Variants in SMARCA2 observed in about 807,000 individuals in gnomAD.
The protein encoded by SMARCA2 is SWI/SNF related BAF chromatin remodeling complex subunit ATPase 2.
SMARCA2 carries 61 observed loss-of-function variants against 199.8 expected under a neutral mutation model. That is an observed-to-expected ratio of 0.31 (90% CI 0.25 to 0.38). The LOEUF is 0.38. Ranked by LOEUF, SMARCA2 falls within the 10% of genes least tolerant of loss-of-function variation. The probability of loss-of-function intolerance (pLI) is 1.00; values close to 1 mark genes in which losing one functional copy is unlikely to be tolerated. For synonymous variants in SMARCA2, 935 were observed against 732.0 expected (o/e 1.28, Z -4.48); for missense variants, 1,344 against 2,012.2 (o/e 0.67, Z 6.35).
chr9:2,116,181 TA>T, intron 25 of SMARCA2, 132 bp downstream of exon 25: 1 of 688,214 alleles, frequency 1.5e-6, no homozygotes, highest in South Asian at 1.8e-5. Flanking sequence ...ACTGCTGTTT[TA>T]GATCCCAACC....
chr9:2,061,216 T>C (rs1820577532), intron 9 of SMARCA2, among the ~76,000 whole-genome samples: 1 of 152,196 alleles, frequency 6.6e-6, no homozygotes. Flanking sequence ...ACAATGTTGT[T>C]CATAAATCAT....
chr9:2,190,021 C>A (rs765691247), intron 32 of SMARCA2, among the ~76,000 whole-genome samples: 38 of 152,096 alleles, frequency 2.5e-4, no homozygotes, highest in African/African-American at 8.9e-4. Flanking sequence ...AATGAGAGAC[C>A]CACATTTTCA....
chr9:2,159,993 C>T (rs1268781657), intron 27 of SMARCA2: 15 of 1,530,204 alleles, frequency 9.8e-6, no homozygotes, highest in Middle Eastern at 1.7e-4. Flanking sequence ...CATCAAAAGC[C>T]GGTGTTCTCC....
intron 28 of SMARCA2, among the ~76,000 whole-genome samples, chr9:2,164,142 G>A (rs575142262): frequency 3.3e-5 from 5 of 152,086 alleles, no homozygotes; most frequent in East Asian, 1.9e-4. Flanking sequence ...GCCATTTACC[G>A]TCATGCTTTT....
rs772031527 is a variant in SMARCA2, at chr9:2,039,799, A to AGCC, written c.691_692insCGC (p.Gln230_Gln231insPro). The AGCC allele has an allele frequency of 2.5e-6, 4 of 1,604,686 alleles. No individual in the cohort carries two copies. In the African/African-American group the frequency reaches 4.0e-5, roughly 16 times the overall value. ...CAACAGCAGCAGCAGCAGCAGCAGC[A>AGCC]GCAGCAGCAGCAGCAGCAACAGCAG... is the stretch of plus-strand genomic sequence containing the variant. On this transcript the variant is annotated inframe_insertion, in exon 4 of 34. Transcript: ENST00000349721. This position sits in a 1 kb window ranked among gnomAD's most constrained non-coding sequence, Gnocchi z 4.8.
intron 1 of SMARCA2, among the ~76,000 whole-genome samples, chr9:2,022,937 A>G (rs571636085): frequency 6.6e-6 from 1 of 152,280 alleles, no homozygotes; most frequent in African/African-American, 2.4e-5. Context: ...ATCTGTGATT[A>G]CCTTTATAAC....
chr9:2,079,682 C>T (rs556032611), intron 14 of SMARCA2, among the ~76,000 whole-genome samples: 17 of 152,286 alleles, frequency 1.1e-4, no homozygotes, highest in African/African-American at 3.4e-4. Flanking sequence ...CATGTTTTCT[C>T]CAAAGACCAT....
chr9:2,155,383 A>C (rs1453989884), intron 27 of SMARCA2, among the ~76,000 whole-genome samples: 1 of 152,046 alleles, frequency 6.6e-6, no homozygotes, highest in Non-Finnish European at 1.5e-5. Context: ...CCCGGGTTCA[A>C]GCGATTCTCC....
chr9:2,139,071 G>T (rs1427476269), intron 27 of SMARCA2, among the ~76,000 whole-genome samples: 1 of 152,232 alleles, frequency 6.6e-6, no homozygotes, highest in East Asian at 1.9e-4. Context: ...TGTGCTGACA[G>T]GATGTGATGG....
rs116341506 is a variant in SMARCA2 at position 2,170,888 on chromosome 9, G to A, written c.4253+416G>A. On this transcript the variant is annotated intron_variant, in intron 29 of 33. Transcript: ENST00000349721. The surrounding 1 kb of genome is among the most constrained non-coding windows in gnomAD (Gnocchi z 4.7). ...CACCTGTAGTGACTTGATCTCCTGC[G>A]AGACATGAAGAAGCGTGCATGTTCA... 7.7e-4 allele frequency among the ~76,000 whole-genome samples: 117 copies of A among 152,280 alleles called. No individual in the cohort carries two copies. Among genetic ancestry groups the A allele is most frequent in the African/African-American group, 2.6e-3 (107 of 41,560 alleles).
intron 1 of SMARCA2, among the ~76,000 whole-genome samples, chr9:2,019,726 T>G (rs1176146616): frequency 5.9e-5 from 9 of 152,160 alleles, no homozygotes; most frequent in Non-Finnish European, 1.3e-4. Context: ...GTTGTAATAT[T>G]TTGACATTTA....
chr9:2,030,867 A>G (rs943969738), intron 2 of SMARCA2, among the ~76,000 whole-genome samples: 1 of 152,230 alleles, frequency 6.6e-6, no homozygotes, highest in Non-Finnish European at 1.5e-5. Context: ...AGGGCATCAG[A>G]GCCCAAAAGG....
rs1315887538 is a variant in SMARCA2, at chr9:2,110,117, C to G, written c.3293-137C>G. On this transcript the variant is annotated intron_variant, in intron 23 of 33. Transcript: ENST00000349721. This position sits in a 1 kb window ranked among gnomAD's most constrained non-coding sequence, Gnocchi z 4.8. Reference sequence around the variant, plus strand: ...GTTCAAAGTTTTTTATCCAGAAGTACAAAGCCCTGGAAATTACCTCACCAG... The same window carrying G: ...GTTCAAAGTTTTTTATCCAGAAGTAGAAAGCCCTGGAAATTACCTCACCAG... The G allele has an allele frequency of 5.7e-6, 3 of 525,556 alleles. No homozygotes were observed. The highest frequency in any genetic ancestry group is 5.4e-5 in the South Asian group (1 of 18,498). The allele number at this position is 525,556 out of a possible 1,614,324, so 32.6% of individuals were successfully genotyped here.
chr9:2,143,789 G>T (rs1251284458), intron 27 of SMARCA2, among the ~76,000 whole-genome samples: 1 of 152,178 alleles, frequency 6.6e-6, no homozygotes, highest in Non-Finnish European at 1.5e-5. Flanking sequence ...GTGATGTTTG[G>T]TAGGACAGTG....
At chr9:2,132,078 G>T (rs1823986665) in intron 27 of SMARCA2, among the ~76,000 whole-genome samples, 2 of 152,144 alleles carry the variant, frequency 1.3e-5, no homozygotes, top group Admixed American at 6.5e-5. Flanking sequence ...CTCTGAGTTG[G>T]CCTCTCATCA....
At chr9:2,180,832 C>T (rs182233659) in intron 29 of SMARCA2, among the ~76,000 whole-genome samples, 1 of 152,188 alleles carries the variant, frequency 6.6e-6, no homozygotes, top group Non-Finnish European at 1.5e-5. Flanking sequence ...TTCAAATAAA[C>T]TTACCATGAA....
intron 28 of SMARCA2, among the ~76,000 whole-genome samples, chr9:2,168,149 T>C (rs998608395): frequency 3.3e-5 from 5 of 151,820 alleles, no homozygotes; most frequent in Non-Finnish European, 7.4e-5. Flanking sequence ...GTTGCTGGGA[T>C]TATGGGCGTG....
chr9:2,095,331 G>A lies in SMARCA2; in HGVS notation c.2884-1326G>A, dbSNP rs543315398. On this transcript the variant is annotated intron_variant, in intron 19 of 33. Coordinates refer to ENST00000349721, the MANE Select transcript of SMARCA2 (RefSeq NM_003070.5). ...GAACTCCTGACCTCGTGATTCGCCC[G>A]CCTCGGCCTCCCAAAGTGCTGGGAC... is the stretch of plus-strand genomic sequence containing the variant. Among the ~76,000 whole-genome samples the A allele has an allele frequency of 1.8e-4, 27 of 152,012 alleles. No homozygotes were observed. The South Asian group carries it at 3.7e-3, about 21-fold the overall frequency.
chr9:2,148,836 A>T (rs1185322960), intron 27 of SMARCA2, among the ~76,000 whole-genome samples: 2 of 151,352 alleles, frequency 1.3e-5, no homozygotes, highest in African/African-American at 4.8e-5. Context: ...GCCATTGCCC[A>T]TTAGAGCACT....
Sources: allele counts gnomAD v4.1 joint callset (sites outside exome capture counted in the v4.1 genomes callset), GRCh38; gene constraint gnomAD v4.1.1; non-coding constraint Gnocchi (gnomAD v3.1); transcripts MANE v1.5; gene names NCBI Gene and HGNC (gene_info 2026-07-23, HGNC 2026-07-21).